Variants in NELL1 observed in about 807,000 individuals in gnomAD.
NELL1 encodes the protein neural EGFL like 1.
In NELL1, 76 loss-of-function variants were observed where a neutral mutation model predicts 107.4. That is an observed-to-expected ratio of 0.71 (90% CI 0.59 to 0.86). The LOEUF (loss-of-function observed/expected upper bound fraction) is 0.86. NELL1 is among the 40% of genes least tolerant of loss of function. NELL1 has a pLI of 0.00. For missense variants in NELL1, 1,024 were observed against 1,005.5 expected (o/e 1.02, Z -0.25); for synonymous variants, 353 against 341.2 (o/e 1.03, Z -0.38).
chr11:21,479,122 C>T (rs926813281), intron 15 of NELL1, among the ~76,000 whole-genome samples: 21 of 152,118 alleles, frequency 1.4e-4, no homozygotes, highest in Admixed American at 3.3e-4. Context: ...CTATGAAGAA[C>T]AGTTTGGAAG....
At chr11:21,565,542 C>A (rs1856950706) in intron 17 of NELL1, among the ~76,000 whole-genome samples, 2 of 151,916 alleles carry the variant, frequency 1.3e-5, no homozygotes, top group Admixed American at 1.3e-4. Flanking sequence ...TCAGTAGTTC[C>A]CAGGAGATGG....
chr11:21,354,021 C>A (rs1335596486), intron 14 of NELL1, among the ~76,000 whole-genome samples: 1 of 152,158 alleles, frequency 6.6e-6, no homozygotes, highest in Non-Finnish European at 1.5e-5. Flanking sequence ...TAACGCTGGA[C>A]CTGTGGTTAC....
chr11:21,077,444 T>C (rs1041086952), intron 12 of NELL1, among the ~76,000 whole-genome samples: 7 of 151,960 alleles, frequency 4.6e-5, no homozygotes, highest in African/African-American at 1.7e-4. Context: ...ATATTGAAAA[T>C]TCAAGAGCAG....
chr11:21,162,602 C>T (rs886109769), intron 13 of NELL1, among the ~76,000 whole-genome samples: 2 of 152,008 alleles, frequency 1.3e-5, no homozygotes, highest in African/African-American at 2.4e-5. Flanking sequence ...GAAGCTATGC[C>T]CCCAAGAATG....
intron 12 of NELL1, among the ~76,000 whole-genome samples, chr11:20,963,899 A>G (rs1373940706): frequency 2.6e-5 from 4 of 152,164 alleles, no homozygotes; most frequent in Admixed American, 6.5e-5. Flanking sequence ...GGAAGCACCA[A>G]AGGCTTTCAA....
chr11:21,248,349 A>AAAG (rs1554987534), intron 14 of NELL1, among the ~76,000 whole-genome samples: 12 of 151,508 alleles, frequency 7.9e-5, no homozygotes, highest in Non-Finnish European at 1.3e-4. Context: ...GTCAAAAAAA[A>AAAG]AAAAGAAAAG....
At chr11:20,956,194 G>A (rs946351309) in intron 11 of NELL1, among the ~76,000 whole-genome samples, 2 of 152,064 alleles carry the variant, frequency 1.3e-5, no homozygotes, top group Non-Finnish European at 2.9e-5. Flanking sequence ...ACTCCAGCTT[G>A]GGTGACAGAG....
chr11:21,033,588 A>G (rs1165723679), intron 12 of NELL1, among the ~76,000 whole-genome samples: 2 of 152,108 alleles, frequency 1.3e-5, no homozygotes, highest in Non-Finnish European at 2.9e-5. Context: ...TTATGGCTGC[A>G]TAGTATTCCA....
At chr11:20,901,066 C>T (rs1292297167) in intron 5 of NELL1, among the ~76,000 whole-genome samples, 1 of 152,068 alleles carries the variant, frequency 6.6e-6, no homozygotes, top group African/African-American at 2.4e-5. Flanking sequence ...AGGAACCACA[C>T]AAGAATGACT....
At position 21,337,831 on chromosome 11, in the gene NELL1, T is replaced by TCTTGCTTG. The variant is rs1565175569; in HGVS notation, c.1550-33019_1550-33018insGCTTGCTT. On this transcript the variant is annotated intron_variant, in intron 14 of 19. Coordinates refer to ENST00000357134, the MANE Select transcript of NELL1 (RefSeq NM_006157.5). ...TTCTTGCTTTCCTTCTTTCTTTCTTTCTTTCTTTTCTTTCTTTCTTTCTTT... is the reference window on the plus strand; with the variant it reads ...TTCTTGCTTTCCTTCTTTCTTTCTTTCTTGCTTGCTTTCTTTTCTTTCTTTCTTTCTTT... Among the ~76,000 whole-genome samples, 532 of 64,742 alleles carry TCTTGCTTG rather than the reference T, an allele frequency of 8.2e-3. 13 individuals carry two copies. Among genetic ancestry groups the TCTTGCTTG allele is most frequent in the Non-Finnish European group, 0.015 (401 of 26,986 alleles). The allele number at this position is 64,742 out of a possible 152,430, so 42.5% of individuals were successfully genotyped here.
At chr11:21,393,712 A>G (rs10766795) in intron 15 of NELL1, among the ~76,000 whole-genome samples, 51,551 of 151,354 alleles carry the variant, frequency 0.34, 8,910 homozygotes, top group South Asian at 0.41. Context: ...ATACTCTAAT[A>G]TATCCTGAGA....
chr11:21,275,313 A>G (rs943038568), intron 14 of NELL1, among the ~76,000 whole-genome samples: 10 of 152,230 alleles, frequency 6.6e-5, no homozygotes, highest in Non-Finnish European at 8.8e-5. Context: ...AAATGGATAA[A>G]TTCCTAGACA....
intron 2 of NELL1, among the ~76,000 whole-genome samples, chr11:20,747,943 G>T (rs190847791): frequency 3.3e-5 from 5 of 152,254 alleles, no homozygotes; most frequent in Admixed American, 3.3e-4. Context: ...AAGCTGGCTG[G>T]GGAGGTGGGG....
chr11:21,235,635 A>C (rs1016100907), intron 14 of NELL1, among the ~76,000 whole-genome samples: 3 of 152,194 alleles, frequency 2.0e-5, no homozygotes, highest in Non-Finnish European at 4.4e-5. Context: ...TAGAACTATT[A>C]GATGATTTGA....
At chr11:20,835,853 A>G (rs1026036167) in intron 3 of NELL1, among the ~76,000 whole-genome samples, 4 of 152,190 alleles carry the variant, frequency 2.6e-5, no homozygotes, top group African/African-American at 9.6e-5. Flanking sequence ...GAAAATCTAC[A>G]TAACTTTCGG....
intron 11 of NELL1, among the ~76,000 whole-genome samples, chr11:20,953,559 T>G (rs1590456982): frequency 6.6e-6 from 1 of 152,260 alleles, no homozygotes; most frequent in East Asian, 1.9e-4. Flanking sequence ...TGAAAGTAAA[T>G]CATTTTACTA....
intron 2 of NELL1, among the ~76,000 whole-genome samples, chr11:20,700,900 A>T (rs191889823): frequency 6.6e-6 from 1 of 152,228 alleles, no homozygotes; most frequent in African/African-American, 2.4e-5. Context: ...TCTTAACCCA[A>T]TCTATCACTG....
At chr11:20,729,516 A>G (rs2133919831) in intron 2 of NELL1, among the ~76,000 whole-genome samples, 1 of 152,322 alleles carries the variant, frequency 6.6e-6, no homozygotes, top group South Asian at 2.1e-4. Flanking sequence ...TTTATCATAA[A>G]GGGATGTTGG....
chr11:21,291,653 T>C (rs1363162684), intron 14 of NELL1, among the ~76,000 whole-genome samples: 1 of 152,156 alleles, frequency 6.6e-6, no homozygotes, highest in African/African-American at 2.4e-5. Context: ...TATTCCCTGA[T>C]GAACATCAGT....
Sources: gnomAD v4.1 joint callset for allele counts (sites outside exome capture counted in the v4.1 genomes callset) on GRCh38, gnomAD v4.1.1 for gene constraint, MANE v1.5 for transcripts, NCBI Gene and HGNC (gene_info 2026-07-23, HGNC 2026-07-21) for gene names.